The following CNTN5 variants were observed in gnomAD, a reference collection of about 807,000 sequenced individuals.
CNTN5 encodes contactin-5.
Under a neutral mutation model 129.1 loss-of-function variants are expected in CNTN5, and 77 were observed. That is an observed-to-expected ratio of 0.60 (90% confidence interval 0.50 to 0.72). CNTN5 has a LOEUF of 0.72. Ranked by LOEUF, CNTN5 falls within the 30% of genes least tolerant of loss-of-function variation. The pLI is 0.00. For missense variants in CNTN5, 1,478 were observed against 1,328.8 expected (o/e 1.11, Z -1.75); for synonymous variants, 509 against 465.6 (o/e 1.09, Z -1.20).
Position 99,239,227 on chromosome 11 carries a change from A to C in CNTN5, c.-209-86119A>C, listed in dbSNP as rs528780145. Among the ~76,000 whole-genome samples, 3 of 152,324 alleles carry C rather than the reference A, an allele frequency of 2.0e-5. No homozygotes were observed. The South Asian group carries it at 6.2e-4, about 32-fold the overall frequency. ...ATGGAGCTGAAAAAGTATAAAGATTAGCTTCTGATTATATTCTAAGAGTAG... is the reference window on the plus strand; with the variant it reads ...ATGGAGCTGAAAAAGTATAAAGATTCGCTTCTGATTATATTCTAAGAGTAG... On this transcript the variant is annotated intron_variant, in intron 1 of 24. Coordinates refer to ENST00000524871, the MANE Select transcript of CNTN5 (RefSeq NM_014361.4).
intron 3 of CNTN5, among the ~76,000 whole-genome samples, chr11:99,583,372 T>G (rs1949681317): frequency 6.6e-6 from 1 of 152,298 alleles, no homozygotes; most frequent in South Asian, 2.1e-4. Context: ...GACATTTAAG[T>G]CTGCAGAGGT....
At chr11:100,029,689 C>G (rs1941607760) in intron 9 of CNTN5, among the ~76,000 whole-genome samples, 1 of 152,182 alleles carries the variant, frequency 6.6e-6, no homozygotes, top group Admixed American at 6.5e-5. Context: ...TTGAGACTGA[C>G]TGTGGAGTAT....
intron 1 of CNTN5, among the ~76,000 whole-genome samples, chr11:99,271,036 G>A (rs528047997): frequency 6.6e-6 from 1 of 151,616 alleles, no homozygotes; most frequent in South Asian, 2.1e-4. Flanking sequence ...GCTGTGTTTG[G>A]AACATGATAA....
intron 2 of CNTN5, among the ~76,000 whole-genome samples, chr11:99,540,021 C>T (rs922532178): frequency 1.3e-5 from 2 of 152,140 alleles, no homozygotes; most frequent in Non-Finnish European, 2.9e-5. Context: ...GTTACAGATA[C>T]TTCTTTCTCC....
chr11:99,601,322 T>C (rs148866252), intron 3 of CNTN5, among the ~76,000 whole-genome samples: 146 of 152,302 alleles, frequency 9.6e-4, no homozygotes, highest in African/African-American at 3.1e-3. Context: ...ACTTAGTAAA[T>C]CATCAAACTT....
chr11:100,143,663 A>G (rs1946765111), intron 13 of CNTN5, among the ~76,000 whole-genome samples: 1 of 152,170 alleles, frequency 6.6e-6, no homozygotes, highest in Non-Finnish European at 1.5e-5. Context: ...CCTCTATGCC[A>G]GATTGTTAGT....
At chr11:99,827,317 G>A (rs926309852) in intron 4 of CNTN5, among the ~76,000 whole-genome samples, 1 of 152,126 alleles carries the variant, frequency 6.6e-6, no homozygotes, top group African/African-American at 2.4e-5. Flanking sequence ...TCGAGCTCCT[G>A]AGCTCAGGCG....
rs77479885 is a variant in CNTN5 at position 100,045,899 on chromosome 11, C to T, written c.981-15313C>T. 8.1e-3 allele frequency among the ~76,000 whole-genome samples: 1,240 copies of T among 152,204 alleles called. 13 individuals carry two copies. The highest frequency in any genetic ancestry group is 0.025 in the African/African-American group (1,051 of 41,534). On this transcript the variant is annotated intron_variant, in intron 9 of 24. Transcript: ENST00000524871. ...AAAGGATGACAGTTATCTCTGAGAA[C>T]ACCTGAGCAATGAAGAAAGACATCA...
At chr11:99,284,981 A>T (rs958465491) in intron 1 of CNTN5, among the ~76,000 whole-genome samples, 2 of 151,980 alleles carry the variant, frequency 1.3e-5, no homozygotes, top group African/African-American at 4.8e-5. Context: ...TTTTGCTTGG[A>T]TTGCTATATA....
At chr11:99,722,103 A>G (rs1288705241) in intron 3 of CNTN5, among the ~76,000 whole-genome samples, 5 of 152,304 alleles carry the variant, frequency 3.3e-5, no homozygotes, top group Admixed American at 6.5e-5. Flanking sequence ...AAGTGGAACT[A>G]TCATTCAATC....
intron 4 of CNTN5, among the ~76,000 whole-genome samples, chr11:99,840,978 T>C (rs1947469933): frequency 6.6e-6 from 1 of 152,174 alleles, no homozygotes; most frequent in Admixed American, 6.5e-5. Context: ...TGATTATCTT[T>C]GCTGGGGACT....
At chr11:99,995,975 G>C (rs562765893) in intron 8 of CNTN5, among the ~76,000 whole-genome samples, 7 of 152,144 alleles carry the variant, frequency 4.6e-5, no homozygotes, top group Admixed American at 1.3e-4. Flanking sequence ...CATTTTTACT[G>C]TGTGGTCAGA....
chr11:99,265,671 CT>C (rs990363611), intron 1 of CNTN5, among the ~76,000 whole-genome samples: 2 of 151,912 alleles, frequency 1.3e-5, no homozygotes, highest in African/African-American at 4.8e-5. Flanking sequence ...TATCCAGCCC[CT>C]TCCCACCCAA....
chr11:99,939,327 C>A, intron 7 of CNTN5, among the ~76,000 whole-genome samples: 1 of 151,850 alleles, frequency 6.6e-6, no homozygotes, highest in East Asian at 1.9e-4. Context: ...CATTTTTTAG[C>A]GCAACCAAAT....
At chr11:99,457,670 T>A (rs139490229) in intron 2 of CNTN5, among the ~76,000 whole-genome samples, 4 of 151,808 alleles carry the variant, frequency 2.6e-5, no homozygotes, top group African/African-American at 9.7e-5. Context: ...TAATTATCAG[T>A]TTAAATAGCG....
intron 3 of CNTN5, among the ~76,000 whole-genome samples, chr11:99,771,616 A>G (rs1944949368): frequency 6.6e-6 from 1 of 152,012 alleles, no homozygotes; most frequent in Admixed American, 6.6e-5. Flanking sequence ...AAAAGCAGAG[A>G]ATAGAATGGT....
At chr11:99,767,784 A>C (rs1944805655) in intron 3 of CNTN5, among the ~76,000 whole-genome samples, 1 of 152,108 alleles carries the variant, frequency 6.6e-6, no homozygotes, top group South Asian at 2.1e-4. Flanking sequence ...AATAAAGACT[A>C]CATGAATTCT....
intron 2 of CNTN5, among the ~76,000 whole-genome samples, chr11:99,548,555 G>T (rs12049898): frequency 0.088 from 13,462 of 152,182 alleles, 1,190 homozygotes; most frequent in East Asian, 0.34. Flanking sequence ...TACGGGGAAG[G>T]TTTCCAAGTT....
intron 1 of CNTN5, among the ~76,000 whole-genome samples, chr11:99,030,353 T>C (rs10501896): frequency 0.078 from 11,863 of 152,204 alleles, 850 homozygotes; most frequent in East Asian, 0.23. Flanking sequence ...ATACAATGAC[T>C]CTAGTATTCT....
Sources: gnomAD v4.1 joint callset for allele counts (sites outside exome capture counted in the v4.1 genomes callset) on GRCh38, gnomAD v4.1.1 for gene constraint, MANE v1.5 for transcripts, NCBI Gene and HGNC (gene_info 2026-07-23, HGNC 2026-07-21) for gene names.